The following OXR1 variants were observed in gnomAD, a reference collection of about 807,000 sequenced individuals.
OXR1 encodes oxidation resistance 1, also known as oxidation resistance protein 1.
A neutral mutation model predicts 104.6 loss-of-function variants in OXR1; 41 were observed. The observed-to-expected ratio is 0.39, with a 90% CI of 0.31 to 0.51. OXR1 has a LOEUF of 0.51. Ranked by LOEUF, OXR1 falls within the 20% of genes least tolerant of loss-of-function variation. OXR1 has a pLI of 0.77. For missense variants in OXR1, 955 were observed against 1,031.9 expected (o/e 0.93, Z 1.02); for synonymous variants, 348 against 348.4 (o/e 1.00, Z 0.01).
intron 1 of OXR1, among the ~76,000 whole-genome samples, chr8:106,329,267 C>T (rs1814611929): frequency 6.6e-6 from 1 of 151,948 alleles, no homozygotes; most frequent in South Asian, 2.1e-4. Context: ...GCTGAGATTA[C>T]AGTCATGAGC....
chr8:106,665,468 A>C (rs1563682440), intron 3 of OXR1, among the ~76,000 whole-genome samples: 1 of 152,190 alleles, frequency 6.6e-6, no homozygotes, highest in African/African-American at 2.4e-5. Context: ...GAACTTAGTT[A>C]CCCATGTTTA....
chr8:106,694,894 AAT>A (rs1345166303), intron 7 of OXR1, among the ~76,000 whole-genome samples: 4 of 135,434 alleles, frequency 3.0e-5, no homozygotes, highest in African/African-American at 1.1e-4. Context: ...TTAATAGATA[AAT>A]ATATTTATCT....
chr8:106,743,126 A>C (rs1835064271), intron 15 of OXR1, among the ~76,000 whole-genome samples: 1 of 152,228 alleles, frequency 6.6e-6, no homozygotes. Flanking sequence ...AAGTGGGCAA[A>C]GACACTTTTC....
intron 1 of OXR1, among the ~76,000 whole-genome samples, chr8:106,332,143 G>A (rs928922498): frequency 1.3e-5 from 2 of 151,392 alleles, no homozygotes; most frequent in African/African-American, 2.4e-5. Context: ...ATCAAGTCAC[G>A]TATTAAGGAA....
chr8:106,516,241 A>C (rs1205562491), intron 2 of OXR1, among the ~76,000 whole-genome samples: 1 of 152,130 alleles, frequency 6.6e-6, no homozygotes, highest in East Asian at 1.9e-4. Flanking sequence ...TATGAGCCCT[A>C]CTTGGCTGTC....
intron 3 of OXR1, among the ~76,000 whole-genome samples, chr8:106,628,866 GAAC>G (rs1356179981): frequency 7.2e-5 from 11 of 152,110 alleles, no homozygotes; most frequent in African/African-American, 2.7e-4. Flanking sequence ...AATATCTGTT[GAAC>G]AACTGAAGGA....
chr8:106,745,986 A>G (rs936618888), intron 16 of OXR1, 124 bp downstream of exon 16: 2 of 594,086 alleles, frequency 3.4e-6, no homozygotes, highest in Non-Finnish European at 5.9e-6. Flanking sequence ...TATATTATGA[A>G]AAAGAGAGTA....
At chr8:106,332,271 C>T (rs1045749975) in intron 1 of OXR1, among the ~76,000 whole-genome samples, 7 of 152,116 alleles carry the variant, frequency 4.6e-5, no homozygotes, top group Non-Finnish European at 7.3e-5. Flanking sequence ...CTGCCTTTGC[C>T]ATGTTTCTTC....
At chr8:106,415,422 A>G (rs949218811) in intron 2 of OXR1, among the ~76,000 whole-genome samples, 1 of 152,154 alleles carries the variant, frequency 6.6e-6, no homozygotes, top group Non-Finnish European at 1.5e-5. Flanking sequence ...AACTAAGATA[A>G]TTTTTTAAAA....
intron 7 of OXR1, among the ~76,000 whole-genome samples, chr8:106,698,186 GT>G (rs1830253987): frequency 6.6e-6 from 1 of 152,126 alleles, no homozygotes; most frequent in Admixed American, 6.5e-5. Context: ...AGTTGATGAG[GT>G]TTTATTTCTT....
At chr8:106,745,093 A>G (rs1348204403) in intron 15 of OXR1, among the ~76,000 whole-genome samples, 3 of 152,188 alleles carry the variant, frequency 2.0e-5, no homozygotes, top group Non-Finnish European at 4.4e-5. Context: ...ATGAAAAACG[A>G]GTGCTAAAAG....
chr8:106,298,140 G>T lies in OXR1; in HGVS notation c.-139+27773G>T, dbSNP rs554425375. Among the ~76,000 whole-genome samples the T allele has an allele frequency of 8.5e-5, 13 of 152,274 alleles. No homozygotes were observed. In the South Asian group the frequency reaches 2.7e-3, roughly 32 times the overall value. ...TGCTTATTTATGCATAACAAGTAGGGATGGGGGAAAAATAAGTCCTTACAA... is the reference window on the plus strand; with the variant it reads ...TGCTTATTTATGCATAACAAGTAGGTATGGGGGAAAAATAAGTCCTTACAA... On this transcript the variant is annotated intron_variant, in intron 1 of 16. Transcript: ENST00000517566.
chr8:106,548,301 C>T lies in OXR1; in HGVS notation c.220+29162C>T, dbSNP rs145953168. Among the ~76,000 whole-genome samples, 28 of 152,264 alleles carry T rather than the reference C, an allele frequency of 1.8e-4. 1 individual carries two copies. In the South Asian group the frequency reaches 1.9e-3, roughly 10 times the overall value. On this transcript the variant is annotated intron_variant, in intron 3 of 16. Coordinates refer to ENST00000517566, the MANE Select transcript of OXR1 (RefSeq NM_001198533.2). ...TTCATGGGATTTACTCTAGGTTAAA[C>T]GACTACTTAACATCTTTCCTGACCC... is the stretch of plus-strand genomic sequence containing the variant.
At chr8:106,495,134 T>G (rs1811332901) in intron 2 of OXR1, among the ~76,000 whole-genome samples, 1 of 151,700 alleles carries the variant, frequency 6.6e-6, no homozygotes, top group Non-Finnish European at 1.5e-5. Flanking sequence ...TATATAATAG[T>G]TATCTATTAT....
At chr8:106,599,839 G>C (rs1189788048) in intron 3 of OXR1, among the ~76,000 whole-genome samples, 1 of 152,172 alleles carries the variant, frequency 6.6e-6, no homozygotes, top group African/African-American at 2.4e-5. Flanking sequence ...TGGGGTAGGG[G>C]TGTTGGGGGT....
intron 2 of OXR1, among the ~76,000 whole-genome samples, chr8:106,402,971 C>T (rs1818061844): frequency 2.0e-5 from 3 of 152,164 alleles, no homozygotes; most frequent in Admixed American, 2.0e-4. Context: ...CAGGCGTCCA[C>T]CACCACGCCT....
chr8:106,389,173 T>G (rs970634141), intron 2 of OXR1, among the ~76,000 whole-genome samples: 3 of 152,208 alleles, frequency 2.0e-5, no homozygotes, highest in Non-Finnish European at 4.4e-5. Context: ...ATGATGACAT[T>G]GAGTCATTAT....
intron 2 of OXR1, among the ~76,000 whole-genome samples, chr8:106,420,744 G>GTGTGTGTGTGTGTT (rs941988662): frequency 6.6e-6 from 1 of 151,832 alleles, no homozygotes; most frequent in African/African-American, 2.4e-5. Flanking sequence ...GTGTGTGTGT[G>GTGTGTGTGTGTGTT]TGTGTGTGTG....
Position 106,684,289 on chromosome 8 carries a change from G to T in OXR1, c.455G>T (p.Ser152Ile). The change falls in exon 6 of 17, where the codon AGC becomes ATC. Residue 152 changes from serine (S) to isoleucine (I), a missense_variant. By Grantham distance (142) the Ser-to-Ile change is moderately radical (BLOSUM62 -2). This residue lies in a region of OXR1 where 849 missense variants were observed against 852.9 expected (regional missense o/e 1.00). Transcript: ENST00000517566. ...PDPEYVSSVE[S>I]SPSLSPVSPL... is the part of the protein sequence containing the mutation. ...CCTGAATATGTCTCCAGTGTTGAGA[G>T]CTCTCCATCTCTAAGCCCCGTAAGT... 6.2e-7 allele frequency: 1 copy of T among 1,609,776 alleles called. No individual in the cohort carries two copies. Among genetic ancestry groups the T allele is most frequent in the South Asian group, 1.1e-5 (1 of 90,970 alleles).
Sources: allele counts gnomAD v4.1 joint callset (sites outside exome capture counted in the v4.1 genomes callset), GRCh38; gene constraint gnomAD v4.1.1; regional missense constraint gnomAD v4.1.1; transcripts MANE v1.5; gene names NCBI Gene and HGNC (gene_info 2026-07-23, HGNC 2026-07-21).